The following FLNB variants were observed in gnomAD, a reference collection of about 807,000 sequenced individuals.
FLNB encodes filamin-B.
Under a neutral mutation model 250.6 loss-of-function variants are expected in FLNB, and 111 were observed. The observed-to-expected ratio is 0.44, with a 90% CI of 0.38 to 0.52. The LOEUF (loss-of-function observed/expected upper bound fraction) is 0.52, where lower values mean the gene tolerates loss of function less well. Ranked by LOEUF, FLNB falls within the 20% of genes least tolerant of loss-of-function variation. The pLI, the probability that FLNB is intolerant of heterozygous loss-of-function variation, is 0.00. For missense variants in FLNB, 2,869 were observed against 3,447.8 expected, an observed-to-expected ratio of 0.83 and a Z score of 4.20; for synonymous variants, 1,302 against 1,372.1, an observed-to-expected ratio of 0.95 and a Z score of 1.13.
At chr3:58,018,212 A>G (rs1175392613) in intron 1 of FLNB, among the ~76,000 whole-genome samples, 1 of 152,152 alleles carries the variant, frequency 6.6e-6, no homozygotes, top group East Asian at 1.9e-4. Context: ...CTATGAGAAA[A>G]GAAAAGAACT....
At chr3:58,118,545 A>G (rs567132871) in intron 18 of FLNB, among the ~76,000 whole-genome samples, 3 of 152,348 alleles carry the variant, frequency 2.0e-5, no homozygotes, top group African/African-American at 7.2e-5. Flanking sequence ...TCCTGAAAAA[A>G]TGAGATGACA....
intron 1 of FLNB, among the ~76,000 whole-genome samples, chr3:58,039,517 C>G (rs1349278769): frequency 6.6e-6 from 1 of 152,128 alleles, no homozygotes; most frequent in Non-Finnish European, 1.5e-5. Context: ...TAGGTCACCA[C>G]CCCCCTTGCC....
chr3:58,133,792 G>A (rs2097311824), intron 26 of FLNB, among the ~76,000 whole-genome samples: 1 of 151,926 alleles, frequency 6.6e-6, no homozygotes, highest in South Asian at 2.1e-4. Flanking sequence ...TTTATATAGA[G>A]ATAAGCATAT....
intron 16 of FLNB, among the ~76,000 whole-genome samples, chr3:58,110,528 G>A (rs1477202217): frequency 1.3e-5 from 2 of 151,540 alleles, no homozygotes; most frequent in Non-Finnish European, 2.9e-5. Context: ...TTGGCTCACT[G>A]CAACCTCTGC....
At chr3:58,121,996 C>T (rs1171306799) in intron 20 of FLNB, among the ~76,000 whole-genome samples, 6 of 151,584 alleles carry the variant, frequency 4.0e-5, no homozygotes, top group African/African-American at 1.2e-4. Flanking sequence ...GGTGAAACCC[C>T]GTCTCCACTA....
chr3:58,171,004 A>G lies in FLNB; in HGVS notation c.*242A>G. 2.0e-6 allele frequency: 1 copy of G among 509,308 alleles called. No individual in the cohort carries two copies. Among genetic ancestry groups the G allele is most frequent in the South Asian group, 2.1e-5 (1 of 47,450 alleles). 31.5% of individuals were successfully genotyped at this position (509,308 alleles called of 1,614,324 possible). The stretch of plus-strand genomic sequence containing the variant: ...GAAGATCCTGAGTACACTAGGTGCA[A>G]ACCAGAACTCTTGGTGGAACAGACC... On this transcript the variant is annotated 3_prime_UTR_variant, in exon 46 of 46. Coordinates refer to ENST00000295956, the MANE Select transcript of FLNB (RefSeq NM_001457.4). This position sits in a 1 kb window ranked among gnomAD's most constrained non-coding sequence, Gnocchi z 5.5.
In FLNB at chr3:58,138,367, C is replaced by A; in HGVS notation, c.4947C>A (p.Thr1649=). The A allele has an allele frequency of 6.2e-7, 1 of 1,614,236 alleles. No homozygotes were observed. The highest frequency in any genetic ancestry group is 1.1e-5 in the South Asian group (1 of 91,086). Reference sequence around the variant, plus strand: ...AGACTGCCGGGAAGGGTAAAGTGACCTGCACGGTTCTGACCCCAGATGGCA... The same window carrying A: ...AGACTGCCGGGAAGGGTAAAGTGACATGCACGGTTCTGACCCCAGATGGCA... ...DAKTAGKGKV[T]CTVLTPDGTE... Residue 1649 remains threonine (T), a synonymous_variant, in exon 29 of 46, where the codon ACC becomes ACA. Transcript: ENST00000295956.
chr3:58,106,867 T>C lies in FLNB; in HGVS notation c.1935T>C (p.Pro645=). The change falls in exon 12 of 46, where the codon CCT becomes CCC. Residue 645 remains proline (P), a synonymous_variant. Coordinates refer to ENST00000295956, the MANE Select transcript of FLNB (RefSeq NM_001457.4). ...FIHPATGGYN[P]DLVRAYGPGL... ...ACCCAGCCACGGGAGGCTACAACCC[T>C]GATCTGGTGAATCAGCTGCTGTGCT... The C allele has an allele frequency of 6.2e-7, 1 of 1,613,308 alleles. No homozygotes were observed. Among genetic ancestry groups the C allele is most frequent in the Non-Finnish European group, 8.5e-7 (1 of 1,179,730 alleles).
chr3:58,045,969 A>G (rs2097153289), intron 1 of FLNB, among the ~76,000 whole-genome samples: 1 of 138,064 alleles, frequency 7.2e-6, no homozygotes, highest in Non-Finnish European at 1.5e-5. Flanking sequence ...ACTGCACTAC[A>G]GCCTGGGCTA....
intron 1 of FLNB, among the ~76,000 whole-genome samples, chr3:58,063,718 T>G (rs985659264): frequency 1.3e-5 from 2 of 152,114 alleles, no homozygotes; most frequent in African/African-American, 2.4e-5. Context: ...CAGGCTGCCA[T>G]CTCTACAGCA....
chr3:58,080,854 C>T (rs2097208207), intron 3 of FLNB, among the ~76,000 whole-genome samples: 1 of 150,932 alleles, frequency 6.6e-6, no homozygotes, highest in South Asian at 2.1e-4. Context: ...AGTGCAGTGG[C>T]ATGATCTCGG....
chr3:58,113,304 T>C (rs1265246464), intron 18 of FLNB, among the ~76,000 whole-genome samples: 1 of 152,244 alleles, frequency 6.6e-6, no homozygotes, highest in Non-Finnish European at 1.5e-5. Flanking sequence ...AAGTGGTTGT[T>C]CCAAGCCTCT....
At chr3:58,023,782 G>T (rs146889945) in intron 1 of FLNB, among the ~76,000 whole-genome samples, 49 of 152,326 alleles carry the variant, frequency 3.2e-4, no homozygotes, top group African/African-American at 1.2e-3. Context: ...ACCACGGCAT[G>T]GAGGTGTTCC....
chr3:58,168,286 C>A (rs1395465950), intron 43 of FLNB, among the ~76,000 whole-genome samples, 154 bp from the exon 44 acceptor site: 1 of 152,250 alleles, frequency 6.6e-6, no homozygotes, highest in African/African-American at 2.4e-5. Flanking sequence ...GAGGTTCTCT[C>A]TGCCAGAAGT....
chr3:58,037,815 G>A (rs926197059), intron 1 of FLNB, among the ~76,000 whole-genome samples: 2 of 151,760 alleles, frequency 1.3e-5, no homozygotes, highest in Non-Finnish European at 2.9e-5. Context: ...TACTTTACTC[G>A]TAAAAGGAAA....
Position 58,170,673 on chromosome 3 carries a change from G to A in FLNB, c.7720G>A (p.Val2574Ile), listed in dbSNP as rs765974957. The A allele has an allele frequency of 1.8e-5, 29 of 1,614,028 alleles. No individual in the cohort carries two copies. Among genetic ancestry groups the A allele is most frequent in the South Asian group, 1.3e-4 (12 of 91,088 alleles). Residue 2574 changes from valine (V) to isoleucine (I), a missense_variant, in exon 46 of 46, where the codon GTC (valine) becomes ATC (isoleucine). Around this residue, in one of 5 missense-constraint regions of FLNB, gnomAD observed 1,084 missense variants for 1,315.5 expected, o/e 0.82. Transcript: ENST00000295956. ...VGNQQYNVTY[V>I]VKERGDYVLA... is the part of the protein sequence containing the mutation. ...CAACCAGCAATACAACGTCACATAC[G>A]TCGTCAAGGAGAGGGGCGATTATGT...
chr3:58,078,251 T>G, intron 2 of FLNB: 3 of 1,363,458 alleles, frequency 2.2e-6, no homozygotes, highest in East Asian at 2.7e-5. Flanking sequence ...AACCTGGGAG[T>G]TTTTACTCTA....
chr3:58,161,055 G>A (rs1042982891), intron 42 of FLNB, among the ~76,000 whole-genome samples: 8 of 152,218 alleles, frequency 5.3e-5, no homozygotes, highest in Non-Finnish European at 7.3e-5. Context: ...CAGAAAGGCA[G>A]TGGGGAGCCT....
intron 6 of FLNB, among the ~76,000 whole-genome samples, chr3:58,096,570 G>A (rs1383942122): frequency 2.0e-5 from 3 of 152,102 alleles, no homozygotes; most frequent in African/African-American, 7.2e-5. Context: ...GTGCAGTGGT[G>A]TGGTCTCAGC....
Sources: gnomAD v4.1 joint callset for allele counts (sites outside exome capture counted in the v4.1 genomes callset) on GRCh38, gnomAD v4.1.1 for gene constraint, gnomAD v4.1.1 regional missense constraint, Gnocchi (gnomAD v3.1) non-coding constraint, MANE v1.5 for transcripts, NCBI Gene and HGNC (gene_info 2026-07-23, HGNC 2026-07-21) for gene names.